The following ABCC4 variants were observed in gnomAD, a reference collection of about 807,000 sequenced individuals.
ABCC4 encodes ATP-binding cassette sub-family C member 4.
A neutral mutation model predicts 168.5 loss-of-function variants in ABCC4; 102 were observed. The observed-to-expected ratio is 0.61, with a 90% CI of 0.52 to 0.71. The LOEUF is 0.71. Among genes scored for constraint, ABCC4 ranks in the 30% least tolerant of loss-of-function variants. ABCC4 has a pLI of 0.00. For synonymous variants in ABCC4, 617 were observed against 590.7 expected, an observed-to-expected ratio of 1.04 and a Z score of -0.65; for missense variants, 1,402 against 1,605.8, an observed-to-expected ratio of 0.87 and a Z score of 2.17.
intron 1 of ABCC4, among the ~76,000 whole-genome samples, chr13:95,263,197 G>A (rs1029873787): frequency 3.9e-5 from 6 of 152,066 alleles, no homozygotes; most frequent in Non-Finnish European, 5.9e-5. Flanking sequence ...CAAGGTTAAT[G>A]ATTAATTATA....
intron 20 of ABCC4, among the ~76,000 whole-genome samples, chr13:95,098,945 C>T (rs1398138945): frequency 6.6e-6 from 1 of 152,132 alleles, no homozygotes; most frequent in East Asian, 1.9e-4. Flanking sequence ...AATAGTACAA[C>T]CATTATAAAA....
At position 95,073,201 on chromosome 13, in the gene ABCC4, T is replaced by C; in HGVS notation, c.3018+3A>G. ...AGGCAAAGAACGTGAAGGTAAATATTACCATATTCTCAACTTCAGCACTTT... is the reference window on the plus strand; with the variant it reads ...AGGCAAAGAACGTGAAGGTAAATATCACCATATTCTCAACTTCAGCACTTT... On this transcript the variant is annotated splice_donor_region_variant and intron_variant, in intron 24 of 30. Transcript: ENST00000645237. 6.2e-7 allele frequency: 1 copy of C among 1,608,944 alleles called. No homozygotes were observed. Among genetic ancestry groups the C allele is most frequent in the Non-Finnish European group, 8.5e-7 (1 of 1,175,646 alleles).
At chr13:95,109,832 C>T (rs2035141422) in intron 20 of ABCC4, among the ~76,000 whole-genome samples, 1 of 152,190 alleles carries the variant, frequency 6.6e-6, no homozygotes, top group Non-Finnish European at 1.5e-5. Context: ...AATTCAATTT[C>T]ACTTAGCCCC....
intron 28 of ABCC4, 69 bp downstream of exon 28, chr13:95,044,197 A>G: frequency 7.2e-7 from 1 of 1,386,460 alleles, no homozygotes; most frequent in Non-Finnish European, 9.6e-7. Flanking sequence ...ATTTCTCAGA[A>G]TCATTCCATG....
chr13:95,210,573 G>T, intron 5 of ABCC4, 119 bp downstream of exon 5: 1 of 799,778 alleles, frequency 1.3e-6, no homozygotes, highest in Non-Finnish European at 2.0e-6. Flanking sequence ...CCTTCAGCGA[G>T]CTATGATCCT....
chr13:95,076,415 A>G (rs1044314341), intron 21 of ABCC4, among the ~76,000 whole-genome samples: 2 of 150,778 alleles, frequency 1.3e-5, no homozygotes, highest in Non-Finnish European at 3.0e-5. Flanking sequence ...TTTTTGTGTG[A>G]CTTCTTTTTT....
At chr13:95,117,233 G>A (rs1330555047) in intron 19 of ABCC4, among the ~76,000 whole-genome samples, 2 of 148,930 alleles carry the variant, frequency 1.3e-5, no homozygotes, top group East Asian at 3.9e-4. Context: ...TTGTCCTAGG[G>A]ATTAAACGGG....
chr13:95,043,959 A>G (rs564930210), intron 28 of ABCC4, among the ~76,000 whole-genome samples, 172 bp from the exon 29 acceptor site: 7 of 152,224 alleles, frequency 4.6e-5, no homozygotes, highest in Non-Finnish European at 7.3e-5. Context: ...AAACAAGTAT[A>G]AAAATCTATG....
intron 19 of ABCC4, among the ~76,000 whole-genome samples, chr13:95,133,236 C>A (rs1281650774): frequency 1.3e-5 from 2 of 151,344 alleles, no homozygotes; most frequent in Non-Finnish European, 2.9e-5. Flanking sequence ...ACCTCGGCCT[C>A]CCGAGTAGCT....
intron 19 of ABCC4, among the ~76,000 whole-genome samples, chr13:95,145,702 T>C (rs908056204): frequency 1.3e-5 from 2 of 151,682 alleles, no homozygotes; most frequent in Non-Finnish European, 2.9e-5. Context: ...TCAACTTAGG[T>C]GCCCATCAAT....
At chr13:95,085,141 T>C (rs1319444464) in intron 20 of ABCC4, among the ~76,000 whole-genome samples, 1 of 152,128 alleles carries the variant, frequency 6.6e-6, no homozygotes, top group Admixed American at 6.6e-5. Flanking sequence ...CAGAGTGCTA[T>C]AGAAATATAA....
chr13:95,061,661 T>C (rs1342491461), intron 26 of ABCC4, among the ~76,000 whole-genome samples: 2 of 112,116 alleles, frequency 1.8e-5, no homozygotes, highest in Non-Finnish European at 1.8e-5. Flanking sequence ...TCAATGACTA[T>C]AGAGTGTTAA....
At chr13:95,158,698 A>G (rs1376830019) in intron 19 of ABCC4, among the ~76,000 whole-genome samples, 1 of 152,162 alleles carries the variant, frequency 6.6e-6, no homozygotes, top group Non-Finnish European at 1.5e-5. Flanking sequence ...ATACTTATAC[A>G]TATTTAACAT....
chr13:95,210,628 A>T (rs1052867018), intron 5 of ABCC4, 64 bp downstream of exon 5: 3 of 1,386,982 alleles, frequency 2.2e-6, no homozygotes, highest in Non-Finnish European at 3.1e-6. Flanking sequence ...TGCCTCCAGA[A>T]AGAATAAAAG....
chr13:95,282,321 T>C (rs1594437255), intron 1 of ABCC4, among the ~76,000 whole-genome samples: 1 of 152,174 alleles, frequency 6.6e-6, no homozygotes, highest in South Asian at 2.1e-4. Context: ...GAAAGGCTTC[T>C]TCAAAGACAG....
chr13:95,139,404 G>A (rs1180015402), intron 19 of ABCC4, among the ~76,000 whole-genome samples: 1 of 152,202 alleles, frequency 6.6e-6, no homozygotes, highest in East Asian at 1.9e-4. Context: ...AGAAGAATGT[G>A]CCAGCTTGTT....
At chr13:95,289,160 G>A (rs1463379312) in intron 1 of ABCC4, among the ~76,000 whole-genome samples, 1 of 152,210 alleles carries the variant, frequency 6.6e-6, no homozygotes, top group African/African-American at 2.4e-5. Flanking sequence ...GAAGCGGTCA[G>A]TTGGGTTTAT....
chr13:95,172,572 G>GAAAAAAA, intron 13 of ABCC4, among the ~76,000 whole-genome samples: 1 of 124,688 alleles, frequency 8.0e-6, no homozygotes, highest in Non-Finnish European at 1.7e-5. Flanking sequence ...CCTCAAAAAG[G>GAAAAAAA]AAAAAAAAAA....
At chr13:95,247,880 A>G in intron 1 of ABCC4, 127 bp from the exon 2 acceptor site, 1 of 650,550 alleles carries the variant, frequency 1.5e-6, no homozygotes, top group African/African-American at 1.9e-5. Context: ...ACAGACAGAT[A>G]TGAATATATA....
Sources: gnomAD v4.1 joint callset for allele counts (sites outside exome capture counted in the v4.1 genomes callset) on GRCh38, gnomAD v4.1.1 for gene constraint, MANE v1.5 for transcripts, NCBI Gene and HGNC (gene_info 2026-07-23, HGNC 2026-07-21) for gene names.